The following PRORP variants were observed in gnomAD, a reference collection of about 807,000 sequenced individuals.
The protein encoded by PRORP is mitochondrial ribonuclease P catalytic subunit.
A neutral mutation model predicts 59.4 loss-of-function variants in PRORP; 51 were observed. That is an observed-to-expected ratio of 0.86 (90% CI 0.69 to 1.08). The LOEUF (loss-of-function observed/expected upper bound fraction) is 1.08, where lower values mean the gene tolerates loss of function less well. PRORP is among the 50% of genes least tolerant of loss of function. The pLI, the probability that PRORP is intolerant of heterozygous loss-of-function variation, is 0.00. For synonymous variants in PRORP, 231 were observed against 245.6 expected (o/e 0.94, Z 0.55); for missense variants, 646 against 690.3 (o/e 0.94, Z 0.72).
intron 5 of PRORP, among the ~76,000 whole-genome samples, chr14:35,241,306 A>T (rs935588648): frequency 6.6e-6 from 1 of 152,104 alleles, no homozygotes; most frequent in African/African-American, 2.4e-5. Flanking sequence ...TGAACCCGGG[A>T]AGCAGAGGTT....
In PRORP at chr14:35,143,976, CAAAA is replaced by C. The variant is rs1242329498; in HGVS notation, c.1167+16372_1167+16375del. The C allele has an allele frequency of 1.5e-5, 2 of 137,118 alleles. 1 individual carries two copies. Among genetic ancestry groups the C allele is most frequent in the East Asian group, 5.0e-4 (2 of 4,032 alleles). 8.5% of individuals were successfully genotyped at this position (137,118 alleles called of 1,614,324 possible). ...GACAGGTAGTTTTTTAAATAAGTGG[CAAAA>C]AAAAAACCCTTATATTTAGAATTAG... On this transcript the variant is annotated intron_variant, in intron 4 of 7. Transcript: ENST00000534898.
intron 6 of PRORP, among the ~76,000 whole-genome samples, chr14:35,267,985 G>A (rs966351447): frequency 6.6e-6 from 1 of 152,094 alleles, no homozygotes; most frequent in African/African-American, 2.4e-5. Flanking sequence ...TAAGTGTAGG[G>A]AGAAAATTGC....
intron 5 of PRORP, among the ~76,000 whole-genome samples, chr14:35,239,035 C>T (rs1566518492): frequency 6.6e-6 from 1 of 152,220 alleles, no homozygotes; most frequent in East Asian, 1.9e-4. Context: ...AAGGCTGTGA[C>T]TTGCCCAGAG....
intron 5 of PRORP, among the ~76,000 whole-genome samples, chr14:35,218,801 A>C (rs2049690592): frequency 6.6e-6 from 1 of 151,976 alleles, no homozygotes; most frequent in South Asian, 2.1e-4. Flanking sequence ...ACTGGGATTA[A>C]AGGCATGAGC....
chr14:35,177,697 C>T (rs1279323864), intron 4 of PRORP, among the ~76,000 whole-genome samples: 3 of 152,070 alleles, frequency 2.0e-5, no homozygotes, highest in African/African-American at 2.4e-5. Context: ...AAAACCAGCT[C>T]CTAGATTCAT....
intron 5 of PRORP, among the ~76,000 whole-genome samples, chr14:35,261,693 C>T (rs1361819433): frequency 6.6e-6 from 1 of 151,920 alleles, no homozygotes; most frequent in East Asian, 1.9e-4. Flanking sequence ...TGTGCCATTG[C>T]ACTCCAGCCT....
At chr14:35,175,234 T>C (rs917763198) in intron 4 of PRORP, among the ~76,000 whole-genome samples, 2 of 152,142 alleles carry the variant, frequency 1.3e-5, no homozygotes, top group African/African-American at 4.8e-5. Context: ...GCAGCATGAT[T>C]TATAATCCTT....
In PRORP at chr14:35,123,314, C is replaced by T; in HGVS notation, c.69C>T (p.Gly23=). 6.2e-7 allele frequency: 1 copy of T among 1,613,906 alleles called. No homozygotes were observed. The highest frequency in any genetic ancestry group is 8.5e-7 in the Non-Finnish European group (1 of 1,180,032). Residue 23 remains glycine, a synonymous_variant, in exon 2 of 8, where the codon GGC becomes GGT. Coordinates refer to ENST00000534898, the MANE Select transcript of PRORP (RefSeq NM_014672.4). The part of the protein sequence containing the change: ...KLWKSPYLGL[G]PGHSYVSLFL... ...GGAAGAGCCCATACCTTGGGCTAGGCCCAGGGCACTCTTATGTCTCGCTGT... is the reference window on the plus strand; with the variant it reads ...GGAAGAGCCCATACCTTGGGCTAGGTCCAGGGCACTCTTATGTCTCGCTGT...
chr14:35,230,043 G>T (rs988780451), intron 5 of PRORP, among the ~76,000 whole-genome samples: 7 of 136,540 alleles, frequency 5.1e-5, no homozygotes, highest in African/African-American at 1.4e-4. Flanking sequence ...TGTCATTACT[G>T]TAAATTCTTT....
intron 5 of PRORP, among the ~76,000 whole-genome samples, chr14:35,240,275 T>G (rs2050327366): frequency 6.7e-6 from 1 of 148,692 alleles, no homozygotes; most frequent in South Asian, 2.1e-4. Flanking sequence ...TCCTGGGCAG[T>G]GGTCAACTTT....
intron 4 of PRORP, among the ~76,000 whole-genome samples, chr14:35,149,297 C>G (rs890521408): frequency 2.0e-5 from 3 of 151,876 alleles, no homozygotes; most frequent in Admixed American, 2.0e-4. Flanking sequence ...CCACTGGGGC[C>G]TCGAACTCCT....
intron 5 of PRORP, among the ~76,000 whole-genome samples, chr14:35,249,605 A>G (rs2050564894): frequency 6.6e-6 from 1 of 151,990 alleles, no homozygotes; most frequent in South Asian, 2.1e-4. Flanking sequence ...TTGAATTATT[A>G]CCTGGCTTTT....
intron 5 of PRORP, chr14:35,235,278 T>G (rs1400272096): frequency 1.4e-6 from 1 of 690,702 alleles, no homozygotes; most frequent in Non-Finnish European, 2.7e-6. Flanking sequence ...TGATGGCGGA[T>G]TTCATCATAT....
chr14:35,233,513 G>A (rs1019005455), intron 5 of PRORP, among the ~76,000 whole-genome samples: 5 of 149,634 alleles, frequency 3.3e-5, no homozygotes, highest in East Asian at 1.9e-4. Context: ...CAATCCCTTC[G>A]TTTAAGAAAA....
Position 35,273,718 on chromosome 14 carries a change from G to T in PRORP, c.*152G>T, listed in dbSNP as rs150139006. 3.1e-6 allele frequency: 2 copies of T among 635,050 alleles called. No homozygotes were observed. The highest frequency in any genetic ancestry group is 4.0e-5 in the Admixed American group (1 of 24,906). 39.3% of individuals were successfully genotyped at this position (635,050 alleles called of 1,614,324 possible). ...TGACATTGATTTTTTAATGAAATGA[G>T]ATATATCTTTTCATAACCAGCTGCG... On this transcript the variant is annotated 3_prime_UTR_variant, in exon 8 of 8. Coordinates refer to ENST00000534898, the MANE Select transcript of PRORP (RefSeq NM_014672.4).
Position 35,124,231 on chromosome 14 carries a change from G to T in PRORP, c.986G>T (p.Ser329Ile). 7 of 1,512,690 alleles carry T rather than the reference G, an allele frequency of 4.6e-6. No individual in the cohort carries two copies. Among genetic ancestry groups the T allele is most frequent in the South Asian group, 2.8e-5 (2 of 72,516 alleles). The allele number at this position is 1,512,690 out of a possible 1,614,324, so 93.7% of individuals were successfully genotyped here. Reference protein sequence around the residue: ...FAHSIKTWFESVPGKQWKGQF... With the variant: ...FAHSIKTWFEIVPGKQWKGQF... The stretch of plus-strand genomic sequence containing the variant: ...CACAGTATAAAAACATGGTTTGAGA[G>T]GTAATTTTGGTTTTTTTATATGTAT... Residue 329 changes from serine (S) to isoleucine (I), a missense_variant and splice_region_variant, in exon 2 of 8, where the codon AGT becomes ATT. Transcript: ENST00000534898.
At chr14:35,223,456 C>CTT (rs5807819) in intron 5 of PRORP, among the ~76,000 whole-genome samples, 6 of 81,442 alleles carry the variant, frequency 7.4e-5, no homozygotes, top group African/African-American at 1.5e-4. Context: ...TAGACTTTAA[C>CTT]TTTTTTTTTT....
chr14:35,194,678 ATAAT>A (rs1407549409), intron 5 of PRORP, among the ~76,000 whole-genome samples: 1 of 152,194 alleles, frequency 6.6e-6, no homozygotes, highest in Non-Finnish European at 1.5e-5. Context: ...AACTTAAAGT[ATAAT>A]TAATTAATTT....
intron 4 of PRORP, among the ~76,000 whole-genome samples, chr14:35,153,976 T>G (rs1158474609): frequency 6.6e-6 from 1 of 151,980 alleles, no homozygotes; most frequent in African/African-American, 2.4e-5. Context: ...TTAACTAACT[T>G]AACATATATC....
Sources: allele counts gnomAD v4.1 joint callset (sites outside exome capture counted in the v4.1 genomes callset), GRCh38; gene constraint gnomAD v4.1.1; transcripts MANE v1.5; gene names NCBI Gene and HGNC (gene_info 2026-07-23, HGNC 2026-07-21).